The following FAM3B variants were observed in gnomAD, a reference collection of about 807,000 sequenced individuals.
FAM3B encodes FAM3 metabolism regulating signaling molecule B.
In FAM3B, 29 loss-of-function variants were observed where a neutral mutation model predicts 28.4. The ratio of observed to expected loss-of-function variants is 1.02; its 90% confidence interval spans 0.76 to 1.39. The LOEUF (loss-of-function observed/expected upper bound fraction) is 1.39. Among genes scored for constraint, FAM3B ranks in the 40% most tolerant of loss-of-function variants. The pLI is 0.00. For missense variants in FAM3B, 266 were observed against 293.9 expected (o/e 0.91, Z 0.69); for synonymous variants, 91 against 103.0 (o/e 0.88, Z 0.71).
chr21:41,352,876 A>G (rs558250178), intron 7 of FAM3B, among the ~76,000 whole-genome samples: 13 of 152,278 alleles, frequency 8.5e-5, no homozygotes, highest in African/African-American at 3.1e-4. Flanking sequence ...TTTTATGTAT[A>G]CTAGGCTGGT....
intron 1 of FAM3B, among the ~76,000 whole-genome samples, chr21:41,308,440 G>A (rs1473687103): frequency 3.3e-5 from 5 of 152,088 alleles, no homozygotes; most frequent in Admixed American, 6.5e-5. Context: ...TGCAGCTGCC[G>A]TCAGCAGAAA....
intron 4 of FAM3B, among the ~76,000 whole-genome samples, chr21:41,345,039 C>T (rs149721805): frequency 3.2e-4 from 48 of 152,340 alleles, no homozygotes; most frequent in Middle Eastern, 3.4e-3. Context: ...TTTCCCACAA[C>T]GTCCCTGTGA....
At chr21:41,311,252 ATATATATATATATATAT>A (rs1391144496) in intron 1 of FAM3B, among the ~76,000 whole-genome samples, 272 of 21,530 alleles carry the variant, frequency 0.013, 24 homozygotes, top group African/African-American at 0.036. Context: ...AAAAAAAAAA[ATATATATATATATATAT>A]ATATATATAT....
chr21:41,309,667 C>G (rs1371910916), intron 1 of FAM3B, among the ~76,000 whole-genome samples: 1 of 152,228 alleles, frequency 6.6e-6, no homozygotes, highest in African/African-American at 2.4e-5. Context: ...ACACATTTGG[C>G]ACATTCAGGA....
rs549947223 is a variant in FAM3B, at chr21:41,348,516, A to G, written c.486-76A>G. 3.6e-5 allele frequency: 57 copies of G among 1,567,010 alleles called. No homozygotes were observed. In the South Asian group the frequency reaches 6.0e-4, roughly 16 times the overall value. On this transcript the variant is annotated intron_variant, in intron 6 of 7. Transcript: ENST00000357985. Reference sequence around the variant, plus strand: ...ACCTCCATCCAAGGATGCACAGCGTAACACATCCAGAGCAGAGTTCCTCTC... The same window carrying G: ...ACCTCCATCCAAGGATGCACAGCGTGACACATCCAGAGCAGAGTTCCTCTC...
chr21:41,331,568 G>A (rs2088905936), intron 2 of FAM3B, among the ~76,000 whole-genome samples: 1 of 152,016 alleles, frequency 6.6e-6, no homozygotes, highest in Non-Finnish European at 1.5e-5. Flanking sequence ...CATGGTTTCA[G>A]GTTTTATGGT....
intron 1 of FAM3B, among the ~76,000 whole-genome samples, chr21:41,322,081 G>A (rs1041860601): frequency 1.3e-5 from 2 of 152,038 alleles, no homozygotes; most frequent in African/African-American, 4.8e-5. Flanking sequence ...TCCCTGCATC[G>A]TAGCAATCTG....
chr21:41,323,001 C>T lies in FAM3B; in HGVS notation c.98C>T (p.Pro33Leu), dbSNP rs1424426371. 6.2e-7 allele frequency: 1 copy of T among 1,611,142 alleles called. No homozygotes were observed. The highest frequency in any genetic ancestry group is 8.5e-7 in the Non-Finnish European group (1 of 1,180,018). Residue 33 changes from proline (P) to leucine (L), a missense_variant, in exon 2 of 8, where the codon CCA becomes CTA. Pro to Leu is a moderately conservative substitution (Grantham distance 98). Transcript: ENST00000357985. ...YSGYLLAELI[P>L]DAPLSSAAYS... ...GGGTACCTGCTCGCAGAGCTCATTC[C>T]AGATGCACCCCTGTCCAGTGCTGCC...
chr21:41,322,058 G>A (rs1166843887), intron 1 of FAM3B, among the ~76,000 whole-genome samples: 1 of 152,094 alleles, frequency 6.6e-6, no homozygotes, highest in East Asian at 1.9e-4. Flanking sequence ...ATCCTACTCA[G>A]GGCCTGTGGT....
Position 41,357,264 on chromosome 21 carries a change from A to AT in FAM3B, c.*72dup. On this transcript the variant is annotated 3_prime_UTR_variant, in exon 8 of 8. Transcript: ENST00000357985. ...GCAGCTGGAATCGCTCAAGAATCTT[A>AT]TTTTTCTAAATCCAACAGCCCATAT... 1 of 1,139,572 alleles carries AT rather than the reference A, an allele frequency of 8.8e-7. No homozygotes were observed. Among genetic ancestry groups the AT allele is most frequent in the Non-Finnish European group, 1.3e-6 (1 of 790,318 alleles). The allele number at this position is 1,139,572 out of a possible 1,614,324, so 70.6% of individuals were successfully genotyped here. A position where few individuals can be genotyped will look rare whatever the true frequency, so the allele number is the denominator to read the frequency against.
chr21:41,336,783 T>C, intron 2 of FAM3B, among the ~76,000 whole-genome samples: 1 of 152,216 alleles, frequency 6.6e-6, no homozygotes, highest in East Asian at 1.9e-4. Flanking sequence ...CACACACAAT[T>C]GTTATGTCTT....
chr21:41,315,684 A>ACCC (rs2088743477), upstream of FAM3B, among the ~76,000 whole-genome samples: 1 of 151,880 alleles, frequency 6.6e-6, no homozygotes, highest in Non-Finnish European at 1.5e-5. Flanking sequence ...TACTGTGGAG[A>ACCC]CCCCTGTCTT....
At chr21:41,334,656 C>T (rs1309670866) in intron 2 of FAM3B, among the ~76,000 whole-genome samples, 3 of 152,268 alleles carry the variant, frequency 2.0e-5, no homozygotes, top group Non-Finnish European at 4.4e-5. Flanking sequence ...GCTGCTGGGG[C>T]AGAACCTCTA....
At position 41,336,913 on chromosome 21, in the gene FAM3B, A is replaced by G. The variant is rs7281856; in HGVS notation, c.164-1465A>G. Among the ~76,000 whole-genome samples, 1,122 of 152,206 alleles carry G rather than the reference A, an allele frequency of 7.4e-3. 18 individuals carry two copies. The highest frequency in any genetic ancestry group is 0.025 in the African/African-American group (1,053 of 41,540). ...CTATCCCTGCTCTCTTTTGGTTTCC[A>G]TTTGCATGGAGTGTTTTTTCCATCC... On this transcript the variant is annotated intron_variant, in intron 2 of 7. Coordinates refer to ENST00000357985, the MANE Select transcript of FAM3B (RefSeq NM_058186.4).
At chr21:41,322,545 A>AGTT in intron 1 of FAM3B, 1 of 713,084 alleles carries the variant, frequency 1.4e-6, no homozygotes, top group Non-Finnish European at 2.6e-6. Flanking sequence ...GCTCAAATCC[A>AGTT]GTTGTGTCTC....
At chr21:41,351,068 C>T in intron 7 of FAM3B, among the ~76,000 whole-genome samples, 1 of 152,180 alleles carries the variant, frequency 6.6e-6, no homozygotes, top group Non-Finnish European at 1.5e-5. Flanking sequence ...CCAGACTGTA[C>T]CAGAAAGGCT....
At chr21:41,313,094 G>A (rs1046650411), upstream of FAM3B, among the ~76,000 whole-genome samples, 1 of 152,190 alleles carries the variant, frequency 6.6e-6, no homozygotes, top group Non-Finnish European at 1.5e-5. Flanking sequence ...GCCACTCTAG[G>A]CCTGAAATGG....
intron 1 of FAM3B, among the ~76,000 whole-genome samples, chr21:41,319,219 A>G (rs776451159): frequency 6.6e-6 from 1 of 152,180 alleles, no homozygotes; most frequent in African/African-American, 2.4e-5. Flanking sequence ...TGAAGCAGCC[A>G]GGACCCTCCT....
upstream of FAM3B, among the ~76,000 whole-genome samples, chr21:41,314,248 C>T (rs192427592): frequency 6.6e-6 from 1 of 152,354 alleles, no homozygotes; most frequent in Admixed American, 6.5e-5. Flanking sequence ...CAGGGAAAGA[C>T]ACTCACCAGG....
Sources: gnomAD v4.1 joint callset for allele counts (sites outside exome capture counted in the v4.1 genomes callset) on GRCh38, gnomAD v4.1.1 for gene constraint, MANE v1.5 for transcripts, NCBI Gene and HGNC (gene_info 2026-07-23, HGNC 2026-07-21) for gene names.